The following COBLL1 variants were observed in gnomAD, a reference collection of about 807,000 sequenced individuals.
COBLL1 encodes cordon-bleu protein-like 1.
COBLL1 carries 50 observed loss-of-function variants against 94.8 expected under a neutral mutation model. The observed-to-expected ratio is 0.53, with a 90% CI of 0.42 to 0.67. The LOEUF is 0.67. COBLL1 is among the 30% of genes least tolerant of loss of function. The probability of loss-of-function intolerance (pLI) is 0.00; values close to 1 mark genes in which losing one functional copy is unlikely to be tolerated. For synonymous variants in COBLL1, 448 were observed against 473.8 expected (o/e 0.95, Z 0.71); for missense variants, 1,362 against 1,348.7 (o/e 1.01, Z -0.15).
At chr2:164,756,926 T>C (rs565544415) in intron 2 of COBLL1, among the ~76,000 whole-genome samples, 3 of 152,302 alleles carry the variant, frequency 2.0e-5, no homozygotes, top group African/African-American at 7.2e-5. Context: ...AAAACTGGAA[T>C]AACACTTCCT....
chr2:164,662,169 T>C (rs1423773057), intron 2 of COBLL1, among the ~76,000 whole-genome samples: 2 of 152,220 alleles, frequency 1.3e-5, no homozygotes, highest in African/African-American at 2.4e-5. Context: ...CTAAAAAACA[T>C]ACACTTGCTA....
rs75838607 is a variant in COBLL1 at position 164,760,951 on chromosome 2, T to C, written c.42-17076A>G. Among the ~76,000 whole-genome samples, 561 of 152,172 alleles carry C rather than the reference T, an allele frequency of 3.7e-3. 6 individuals carry two copies. The highest frequency in any genetic ancestry group is 0.012 in the African/African-American group (514 of 41,538). ...CGAACTAAAATAAAGGCAAAGATAT[T>C]GGAAAAAATGATGATCCCCATCAAT... is the stretch of plus-strand genomic sequence containing the variant. On this transcript the variant is annotated intron_variant, in intron 2 of 13. Transcript: ENST00000652658.
intron 2 of COBLL1, among the ~76,000 whole-genome samples, chr2:164,818,320 G>GTATACA (rs372180977): frequency 2.5e-4 from 36 of 142,128 alleles, no homozygotes; most frequent in African/African-American, 5.8e-4. Context: ...ATACACGTGT[G>GTATACA]TATGTATACA....
At chr2:164,714,847 T>C (rs1685082571) in intron 7 of COBLL1, among the ~76,000 whole-genome samples, 1 of 152,194 alleles carries the variant, frequency 6.6e-6, no homozygotes, top group African/African-American at 2.4e-5. Flanking sequence ...TTTTATTAAC[T>C]CAGCATGTTA....
intron 2 of COBLL1, among the ~76,000 whole-genome samples, chr2:164,758,589 A>T (rs1351870341): frequency 1.3e-5 from 2 of 152,124 alleles, no homozygotes; most frequent in African/African-American, 2.4e-5. Context: ...TGCAAGCAAC[A>T]TATATGGGAG....
rs992546906 is a variant in COBLL1 at position 164,684,971 on chromosome 2, T to C, written c.*975A>G. On this transcript the variant is annotated 3_prime_UTR_variant, in exon 14 of 14. Transcript: ENST00000652658. ...GCCGACAAATGGGCATTGTTTTGCTTAACAGTTTTAGCTTCAATGTAAATA... is the reference window on the plus strand; with the variant it reads ...GCCGACAAATGGGCATTGTTTTGCTCAACAGTTTTAGCTTCAATGTAAATA... 1 of 152,150 alleles carries C rather than the reference T, an allele frequency of 6.6e-6. No individual in the cohort carries two copies. The highest frequency in any genetic ancestry group is 1.5e-5 in the Non-Finnish European group (1 of 67,996). The allele number at this position is 152,150 out of a possible 1,614,324, so 9.4% of individuals were successfully genotyped here.
chr2:164,819,095 T>C (rs114787665), intron 2 of COBLL1, among the ~76,000 whole-genome samples: 212 of 152,096 alleles, frequency 1.4e-3, no homozygotes, highest in African/African-American at 5.0e-3. Flanking sequence ...ATTTAATCTA[T>C]CATAAACTTA....
At chr2:164,678,780 GTTTTC>G (rs1450955255), downstream of COBLL1, among the ~76,000 whole-genome samples, 14 of 152,118 alleles carry the variant, frequency 9.2e-5, no homozygotes, top group African/African-American at 3.1e-4. Context: ...TTCTAGCATA[GTTTTC>G]TTTTATGACC....
At chr2:164,772,903 C>T (rs1203273409) in intron 2 of COBLL1, among the ~76,000 whole-genome samples, 1 of 152,022 alleles carries the variant, frequency 6.6e-6, no homozygotes, top group African/African-American at 2.4e-5. Flanking sequence ...GTTAGTTTAG[C>T]AAAATTATAT....
chr2:164,799,604 A>G (rs985586191), intron 2 of COBLL1, among the ~76,000 whole-genome samples: 3 of 152,228 alleles, frequency 2.0e-5, no homozygotes, highest in African/African-American at 7.2e-5. Context: ...ACAAGCACAT[A>G]TTAAAATATA....
chr2:164,747,313 T>C (rs974577383), intron 2 of COBLL1, among the ~76,000 whole-genome samples: 1 of 152,204 alleles, frequency 6.6e-6, no homozygotes, highest in Non-Finnish European at 1.5e-5. Flanking sequence ...CCCTGTCTAC[T>C]GCACACTGCA....
chr2:164,814,744 T>C (rs902970092), intron 2 of COBLL1, among the ~76,000 whole-genome samples: 3 of 152,146 alleles, frequency 2.0e-5, no homozygotes, highest in Non-Finnish European at 4.4e-5. Flanking sequence ...GACATGTACA[T>C]ACAAAATACC....
intron 2 of COBLL1, among the ~76,000 whole-genome samples, chr2:164,825,217 C>G (rs903622952): frequency 2.0e-5 from 3 of 151,886 alleles, no homozygotes; most frequent in African/African-American, 7.2e-5. Context: ...TTACTGTGAC[C>G]CTGATACTTT....
chr2:164,729,934 G>GTTT lies in COBLL1; in HGVS notation c.409_411dup (p.Lys137dup), dbSNP rs746984121. 6.2e-7 allele frequency: 1 copy of GTTT among 1,613,394 alleles called. No homozygotes were observed. Among genetic ancestry groups the GTTT allele is most frequent in the African/African-American group, 1.3e-5 (1 of 74,984 alleles). On this transcript the variant is annotated inframe_insertion, in exon 4 of 14. Transcript: ENST00000652658. ...CTTACCTCTGGTATTATAGGTGTAG[G>GTTT]TTTTTTCTTATCCAACATTTTTGGC...
intron 2 of COBLL1, among the ~76,000 whole-genome samples, chr2:164,818,130 A>G (rs1684872966): frequency 1.3e-5 from 2 of 151,640 alleles, no homozygotes; most frequent in African/African-American, 4.8e-5. Context: ...ATGTACATAT[A>G]TGTACATGTA....
At chr2:164,815,746 T>C (rs1342170740) in intron 2 of COBLL1, among the ~76,000 whole-genome samples, 1 of 152,102 alleles carries the variant, frequency 6.6e-6, no homozygotes, top group East Asian at 1.9e-4. Flanking sequence ...TCCATGGGAA[T>C]TGTTCCTCCC....
chr2:164,780,004 C>A (rs1036757176), intron 2 of COBLL1, among the ~76,000 whole-genome samples: 26 of 152,054 alleles, frequency 1.7e-4, no homozygotes, highest in African/African-American at 6.0e-4. Context: ...ACTTTTATTT[C>A]TTTTATAGCT....
At chr2:164,820,776 G>C (rs1332152546) in intron 2 of COBLL1, among the ~76,000 whole-genome samples, 1 of 152,186 alleles carries the variant, frequency 6.6e-6, no homozygotes, top group African/African-American at 2.4e-5. Context: ...AGCAGTTTAT[G>C]AGCAGTGGTA....
rs575042462 is a variant in COBLL1, at chr2:164,734,160, G to A, written c.231-4045C>T. 2.0e-5 allele frequency among the ~76,000 whole-genome samples: 3 copies of A among 147,378 alleles called. No homozygotes were observed. In the East Asian group the frequency reaches 5.9e-4, roughly 29 times the overall value. ...GTTTATGAAACTGATCTAGAGAGAA[G>A]AGAAAAAAGAAACAAGTAAAATATA... On this transcript the variant is annotated intron_variant, in intron 3 of 13. Coordinates refer to ENST00000652658, the MANE Select transcript of COBLL1 (RefSeq NM_001365672.2).
Sources: gnomAD v4.1 joint callset for allele counts (sites outside exome capture counted in the v4.1 genomes callset) on GRCh38, gnomAD v4.1.1 for gene constraint, MANE v1.5 for transcripts, NCBI Gene and HGNC (gene_info 2026-07-23, HGNC 2026-07-21) for gene names.